The following FAT3 variants were observed in gnomAD, a reference collection of about 807,000 sequenced individuals.
The protein encoded by FAT3 is FAT atypical cadherin 3.
In FAT3, 95 loss-of-function variants were observed where a neutral mutation model predicts 310.2. That is an observed-to-expected ratio of 0.31 (90% confidence interval 0.26 to 0.36). The LOEUF (loss-of-function observed/expected upper bound fraction) is 0.36. Ranked by LOEUF, FAT3 falls within the 10% of genes least tolerant of loss-of-function variation. The pLI, the probability that FAT3 is intolerant of heterozygous loss-of-function variation, is 1.00. For synonymous variants in FAT3, 2,314 were observed against 2,192.9 expected (o/e 1.06, Z -1.54); for missense variants, 5,408 against 5,715.6 (o/e 0.95, Z 1.74).
chr11:92,805,099 A>G (rs1947466311), intron 10 of FAT3, 54 bp from the exon 11 acceptor site: 2 of 1,570,046 alleles, frequency 1.3e-6, no homozygotes, highest in Admixed American at 3.5e-5. Context: ...GTAGATGTAG[A>G]TTAAGACATT....
At chr11:92,335,345 C>CT (rs770205574) in intron 1 of FAT3, among the ~76,000 whole-genome samples, 2 of 152,068 alleles carry the variant, frequency 1.3e-5, no homozygotes, top group African/African-American at 2.4e-5. Flanking sequence ...GGTTAAGTGG[C>CT]TTTCTTGACA....
At chr11:92,531,463 AT>A (rs1385983129) in intron 3 of FAT3, among the ~76,000 whole-genome samples, 1 of 152,106 alleles carries the variant, frequency 6.6e-6, no homozygotes, top group Non-Finnish European at 1.5e-5. Context: ...GCCATCAGGC[AT>A]GGGAGAGTGT....
chr11:92,797,984 G>A lies in FAT3; in HGVS notation c.4971G>A (p.Val1657=). ...CGCCAATGTCTGCTACTGCAATTGT[G>A]CGCATTTCCGTCACCATGTCTGACA... ...GSPPMSATAI[V]RISVTMSDNS... The change falls in exon 10 of 28, where the codon GTG becomes GTA. Residue 1657 remains valine, a synonymous_variant. Coordinates refer to ENST00000525166, the MANE Select transcript of FAT3 (RefSeq NM_001367949.2). The A allele has an allele frequency of 2.5e-6, 4 of 1,613,870 alleles. No homozygotes were observed. In the South Asian group the frequency reaches 3.3e-5, roughly 13 times the overall value.
Position 92,445,075 on chromosome 11 carries a change from A to T in FAT3, c.3293-79559A>T, listed in dbSNP as rs188930536. Reference sequence around the variant, plus strand: ...ACATGGGTAGAAGATAGCCAAGAAGAGAAGCCACAGAAGAAACGAAATCTG... The same window carrying T: ...ACATGGGTAGAAGATAGCCAAGAAGTGAAGCCACAGAAGAAACGAAATCTG... On this transcript the variant is annotated intron_variant, in intron 2 of 27. Coordinates refer to ENST00000525166, the MANE Select transcript of FAT3 (RefSeq NM_001367949.2). Among the ~76,000 whole-genome samples the T allele has an allele frequency of 2.0e-3, 304 of 152,324 alleles. 1 individual carries two copies. Among genetic ancestry groups the T allele is most frequent in the Non-Finnish European group, 2.9e-3 (196 of 68,030 alleles).
chr11:92,806,367 A>T lies in FAT3; in HGVS notation c.9099A>T (p.Ala3033=). The T allele has an allele frequency of 6.3e-7, 1 of 1,599,034 alleles. No individual in the cohort carries two copies. Among genetic ancestry groups the T allele is most frequent in the Non-Finnish European group, 8.5e-7 (1 of 1,172,014 alleles). The change falls in exon 12 of 28, where the codon GCA becomes GCT. Residue 3033 remains alanine (A), a synonymous_variant. Coordinates refer to ENST00000525166, the MANE Select transcript of FAT3 (RefSeq NM_001367949.2). The stretch of plus-strand genomic sequence containing the variant: ...CTTTCTTCACCTTTGTCCAGGTTGC[A>T]TATACAGCATTACTTCCTGAAGACA... The part of the protein sequence containing the change: ...NDNSPVCDQV[A]YTALLPEDIP...
At chr11:92,513,014 C>T (rs1378759695) in intron 2 of FAT3, among the ~76,000 whole-genome samples, 1 of 95,826 alleles carries the variant, frequency 1.0e-5, no homozygotes, top group Non-Finnish European at 2.0e-5. Context: ...CCCAGCTACT[C>T]GGGAGGCTGA....
intron 3 of FAT3, among the ~76,000 whole-genome samples, chr11:92,552,004 A>G (rs991733292): frequency 6.6e-6 from 1 of 152,246 alleles, no homozygotes; most frequent in African/African-American, 2.4e-5. Flanking sequence ...ATTCAAGCAT[A>G]TATAACCACA....
At chr11:92,248,620 C>A (rs1460121678) in intron 1 of FAT3, among the ~76,000 whole-genome samples, 1 of 151,952 alleles carries the variant, frequency 6.6e-6, no homozygotes, top group Non-Finnish European at 1.5e-5. Flanking sequence ...TTTAAAGTTA[C>A]CCCCAATTTT....
intron 3 of FAT3, among the ~76,000 whole-genome samples, chr11:92,623,463 G>A (rs543573662): frequency 4.6e-5 from 7 of 152,288 alleles, no homozygotes; most frequent in South Asian, 2.1e-4. Context: ...TTAGATTAGC[G>A]GAGGATATGT....
At position 92,857,275 on chromosome 11, in the gene FAT3, G is replaced by A. The variant is rs373148503; in HGVS notation, c.11427G>A (p.Gln3809=). ...CVEKPCPGDM[Q]CVSYEASRRP... is the part of the protein sequence containing the mutation. ...AGAAGCCGTGTCCAGGGGACATGCA[G>A]TGTGTCAGTTATGAAGCCAGCAGGA... The change falls in exon 20 of 28, where the codon CAG becomes CAA. Residue 3809 remains glutamine (Q), a synonymous_variant. Coordinates refer to ENST00000525166, the MANE Select transcript of FAT3 (RefSeq NM_001367949.2). 5.1e-5 allele frequency: 83 copies of A among 1,613,874 alleles called. No homozygotes were observed. Among genetic ancestry groups the A allele is most frequent in the Non-Finnish European group, 5.7e-5 (67 of 1,179,888 alleles).
intron 1 of FAT3, among the ~76,000 whole-genome samples, chr11:92,340,178 C>T (rs1948209910): frequency 1.3e-5 from 2 of 149,522 alleles, no homozygotes; most frequent in African/African-American, 2.5e-5. Context: ...ACAGCCTTGT[C>T]AGTTTTGGTC....
At chr11:92,769,077 A>G (rs1946394458) in intron 6 of FAT3, among the ~76,000 whole-genome samples, 2 of 152,160 alleles carry the variant, frequency 1.3e-5, no homozygotes, top group Admixed American at 1.3e-4. Flanking sequence ...TCCCACCATG[A>G]TATGAATTCA....
chr11:92,753,678 G>A (rs1393120783), intron 4 of FAT3, among the ~76,000 whole-genome samples: 1 of 151,798 alleles, frequency 6.6e-6, no homozygotes, highest in Non-Finnish European at 1.5e-5. Context: ...ACTAAAAATG[G>A]AACTACCATA....
At chr11:92,753,649 G>A (rs571907922) in intron 4 of FAT3, among the ~76,000 whole-genome samples, 16 of 152,148 alleles carry the variant, frequency 1.1e-4, no homozygotes, top group Non-Finnish European at 2.1e-4. Context: ...ATGGAAAATA[G>A]TATGGAGGTT....
intron 2 of FAT3, chr11:92,498,074 T>A (rs906663342): frequency 6.5e-6 from 1 of 152,714 alleles, no homozygotes; most frequent in Non-Finnish European, 1.5e-5. Flanking sequence ...TACTCACTGT[T>A]ACTCTCTTGC....
intron 3 of FAT3, among the ~76,000 whole-genome samples, chr11:92,623,052 A>G (rs1476921978): frequency 1.3e-5 from 2 of 152,122 alleles, no homozygotes; most frequent in African/African-American, 4.8e-5. Flanking sequence ...ATGTCTCTGA[A>G]TGTCTTTTAC....
intron 3 of FAT3, among the ~76,000 whole-genome samples, chr11:92,652,236 G>T (rs542519390): frequency 6.6e-6 from 1 of 152,008 alleles, no homozygotes; most frequent in Non-Finnish European, 1.5e-5. Flanking sequence ...ACTTTTATCC[G>T]CTGGGCACAA....
At chr11:92,226,886 T>C (rs1863934063) in intron 1 of FAT3, among the ~76,000 whole-genome samples, 1 of 151,886 alleles carries the variant, frequency 6.6e-6, no homozygotes, top group African/African-American at 2.4e-5. Flanking sequence ...GAAGTCTTTT[T>C]CCCCCCTCTC....
intron 3 of FAT3, among the ~76,000 whole-genome samples, chr11:92,607,316 G>C (rs905582382): frequency 3.3e-5 from 5 of 152,192 alleles, no homozygotes; most frequent in South Asian, 4.1e-4. Context: ...GACTAAGGAA[G>C]GGGGGTGGGG....
Sources: gnomAD v4.1 joint callset for allele counts (sites outside exome capture counted in the v4.1 genomes callset) on GRCh38, gnomAD v4.1.1 for gene constraint, MANE v1.5 for transcripts, NCBI Gene and HGNC (gene_info 2026-07-23, HGNC 2026-07-21) for gene names.